The following DPP6 variants were observed in gnomAD, a reference collection of about 807,000 sequenced individuals.
The protein encoded by DPP6 is dipeptidyl peptidase like 6, also known as A-type potassium channel modulatory protein DPP6.
In DPP6, 69 loss-of-function variants were observed where a neutral mutation model predicts 122.6. The ratio of observed to expected loss-of-function variants is 0.56; its 90% confidence interval spans 0.46 to 0.69. The LOEUF is 0.69. Among genes scored for constraint, DPP6 ranks in the 30% least tolerant of loss-of-function variants. DPP6 has a pLI of 0.00. For synonymous variants in DPP6, 418 were observed against 433.1 expected, an observed-to-expected ratio of 0.97 and a Z score of 0.43; for missense variants, 928 against 1,116.9, an observed-to-expected ratio of 0.83 and a Z score of 2.41.
chr7:154,122,325 T>C (rs3115104), intron 1 of DPP6, among the ~76,000 whole-genome samples: 5 of 152,176 alleles, frequency 3.3e-5, no homozygotes, highest in African/African-American at 4.8e-5. Context: ...AAGAATTTCG[T>C]GTACTGAGGA....
chr7:154,614,245 A>G (rs917238450), intron 5 of DPP6, among the ~76,000 whole-genome samples: 2 of 152,090 alleles, frequency 1.3e-5, no homozygotes, highest in Non-Finnish European at 2.9e-5. Context: ...GCTTCTTTTA[A>G]CTGGTTGTTC....
chr7:153,790,969 TAAAG>T, the DPP6 span, among the ~76,000 whole-genome samples: 4 of 152,182 alleles, frequency 2.6e-5, no homozygotes, highest in Non-Finnish European at 4.4e-5. Context: ...CCCGAGGAGA[TAAAG>T]AAAGGCCTCA....
intron 8 of DPP6, among the ~76,000 whole-genome samples, chr7:154,756,090 T>C (rs1436051411): frequency 6.6e-6 from 1 of 152,204 alleles, no homozygotes; most frequent in African/African-American, 2.4e-5. Flanking sequence ...TCCAACCCCC[T>C]AGGGAAGAGT....
At chr7:154,685,751 G>A (rs918333208) in intron 7 of DPP6, among the ~76,000 whole-genome samples, 18 of 152,200 alleles carry the variant, frequency 1.2e-4, no homozygotes, top group Admixed American at 1.0e-3. Flanking sequence ...GCATGGCTTG[G>A]CCACGTTGTA....
chr7:154,088,592 T>TCCCCC (rs1804601414), intron 1 of DPP6, among the ~76,000 whole-genome samples: 1 of 148,066 alleles, frequency 6.8e-6, no homozygotes, highest in Admixed American at 6.8e-5. Flanking sequence ...GTATGGGACT[T>TCCCCC]GATAGCAGCA....
intron 1 of DPP6, among the ~76,000 whole-genome samples, chr7:153,983,022 G>A (rs1261440261): frequency 6.6e-6 from 1 of 152,224 alleles, no homozygotes; most frequent in Non-Finnish European, 1.5e-5. Flanking sequence ...AGGTACGGGG[G>A]TGAGGGACCC....
At chr7:153,809,965 A>C in the DPP6 span, among the ~76,000 whole-genome samples, 1 of 152,174 alleles carries the variant, frequency 6.6e-6, no homozygotes, top group Non-Finnish European at 1.5e-5. Context: ...GTATCTTAGC[A>C]GAAGTCTCCA....
chr7:154,431,451 CTTTTCTTTTCTT>C (rs1229265443), intron 1 of DPP6, among the ~76,000 whole-genome samples: 2 of 14,976 alleles, frequency 1.3e-4, no homozygotes, highest in Admixed American at 6.7e-4. Flanking sequence ...CCTTTCTTTT[CTTTTCTTTTCTT>C]TTCTTTTCTT....
At chr7:154,059,792 G>C (rs1349154271) in intron 1 of DPP6, among the ~76,000 whole-genome samples, 1 of 151,352 alleles carries the variant, frequency 6.6e-6, no homozygotes, top group Non-Finnish European at 1.5e-5. Flanking sequence ...AACCCAAACT[G>C]TGGGGCCCTG....
chr7:154,252,510 T>G (rs1316628712), intron 1 of DPP6, among the ~76,000 whole-genome samples: 1 of 152,192 alleles, frequency 6.6e-6, no homozygotes, highest in South Asian at 2.1e-4. Context: ...TTCTCACCCC[T>G]GGGCAGACTG....
chr7:154,807,544 G>C (rs1256769511), intron 16 of DPP6, among the ~76,000 whole-genome samples: 9 of 152,194 alleles, frequency 5.9e-5, no homozygotes, highest in Admixed American at 5.2e-4. Context: ...AATATCACCA[G>C]GCACGGTGGC....
At chr7:154,317,061 A>ATAATCCCAGGG (rs1807495576) in intron 1 of DPP6, among the ~76,000 whole-genome samples, 1 of 152,206 alleles carries the variant, frequency 6.6e-6, no homozygotes, top group Non-Finnish European at 1.5e-5. Flanking sequence ...AGTTGGGTCA[A>ATAATCCCAGGG]AGATTTGGCT....
chr7:154,280,448 C>A (rs183309912), intron 1 of DPP6, among the ~76,000 whole-genome samples: 2 of 152,168 alleles, frequency 1.3e-5, no homozygotes. Flanking sequence ...CCTGCAGCCT[C>A]CCCCTTCCAT....
the DPP6 span, among the ~76,000 whole-genome samples, chr7:153,835,360 T>C: frequency 7.2e-5 from 11 of 152,098 alleles, no homozygotes; most frequent in Non-Finnish European, 1.6e-4. Flanking sequence ...TCTACTGGAA[T>C]TCAGAATTAT....
rs4266562 is a variant in DPP6, at chr7:154,326,593, T to C, written c.244-119621T>C. On this transcript the variant is annotated intron_variant, in intron 1 of 25. Transcript: ENST00000377770. ...CACAGTGTTGTATGTTTGTCAAGAA[T>C]GCATAATTCTGCCAGTCTGTTGTAT... Among the ~76,000 whole-genome samples the C allele has an allele frequency of 2.1e-3, 324 of 152,354 alleles. 3 individuals are homozygous for C. The highest frequency in any genetic ancestry group is 0.01 in the Middle Eastern group (3 of 294).
intron 10 of DPP6, among the ~76,000 whole-genome samples, chr7:154,781,546 A>G (rs1275311849): frequency 6.6e-6 from 1 of 152,158 alleles, no homozygotes; most frequent in East Asian, 1.9e-4. Context: ...TGTAGAAGGC[A>G]CTCTGCCGGC....
rs570126422 is a variant in DPP6 at position 154,129,416 on chromosome 7, G to A, written c.243+76353G>A. Among the ~76,000 whole-genome samples the A allele has an allele frequency of 5.3e-5, 8 of 152,304 alleles. No homozygotes were observed. The South Asian group carries it at 1.2e-3, about 24-fold the overall frequency. ...CAGAGCTGCTAAGCAGAAAGCGACA[G>A]GGGGCCCAACCTCACCCTCCTAGCT... On this transcript the variant is annotated intron_variant, in intron 1 of 25. Transcript: ENST00000377770.
At position 154,821,146 on chromosome 7, in the gene DPP6, C is replaced by G. The variant is rs975720609; in HGVS notation, c.1666+14034C>G. 6.6e-6 allele frequency among the ~76,000 whole-genome samples: 1 copy of G among 152,172 alleles called. No homozygotes were observed. On this transcript the variant is annotated intron_variant, in intron 16 of 25. Coordinates refer to ENST00000377770, the MANE Select transcript of DPP6 (RefSeq NM_130797.4). The surrounding 1 kb of genome is among the most constrained non-coding windows in gnomAD (Gnocchi z 4.2). ...CCAGGAATGGTTGAGCTTCTCATAA[C>G]CTATCTAATGGGCTGTGAATTGTGT...
chr7:154,552,061 G>T (rs914146585), intron 4 of DPP6, among the ~76,000 whole-genome samples: 2 of 152,156 alleles, frequency 1.3e-5, no homozygotes, highest in African/African-American at 4.8e-5. Context: ...TCCCCATTTT[G>T]GGTGTTGCTG....
Sources: allele counts gnomAD v4.1 joint callset (sites outside exome capture counted in the v4.1 genomes callset), GRCh38; gene constraint gnomAD v4.1.1; non-coding constraint Gnocchi (gnomAD v3.1); transcripts MANE v1.5; gene names NCBI Gene and HGNC (gene_info 2026-07-23, HGNC 2026-07-21).